ANK3: variants seen among roughly 807,000 people sequenced by gnomAD.
The protein encoded by ANK3 is ankyrin-3.
In ANK3, 57 loss-of-function variants were observed where a neutral mutation model predicts 370.9. The observed-to-expected ratio is 0.15, with a 90% CI of 0.12 to 0.19. ANK3 has a LOEUF of 0.19. Among genes scored for constraint, ANK3 ranks in the 10% least tolerant of loss-of-function variants. The probability of loss-of-function intolerance (pLI) is 1.00; values close to 1 mark genes in which losing one functional copy is unlikely to be tolerated. For missense variants in ANK3, 4,439 were observed against 5,302.1 expected, an observed-to-expected ratio of 0.84 and a Z score of 5.06; for synonymous variants, 1,929 against 1,946.3, an observed-to-expected ratio of 0.99 and a Z score of 0.23.
At chr10:60,603,189 G>C (rs1273204821) in intron 2 of ANK3, among the ~76,000 whole-genome samples, 1 of 152,114 alleles carries the variant, frequency 6.6e-6, no homozygotes, top group Non-Finnish European at 1.5e-5. Flanking sequence ...AAGGAGTTTG[G>C]AAACTAAGAC....
At chr10:60,321,318 C>G (rs75395282) in intron 1 of ANK3, among the ~76,000 whole-genome samples, 7,730 of 150,844 alleles carry the variant, frequency 0.051, 524 homozygotes, top group African/African-American at 0.16. Flanking sequence ...AACTTGGCCG[C>G]TCAAGGCTAC....
At position 60,029,743 on chromosome 10, in the gene ANK3, C is replaced by T. The variant is rs1347650911; in HGVS notation, c.*103G>A. 2 of 152,156 alleles carry T rather than the reference C, an allele frequency of 1.3e-5. No individual in the cohort carries two copies. The highest frequency in any genetic ancestry group is 2.4e-5 in the African/African-American group (1 of 41,278). The allele number at this position is 152,156 out of a possible 1,614,324, so 9.4% of individuals were successfully genotyped here. On this transcript the variant is annotated 3_prime_UTR_variant, in exon 44 of 44. Transcript: ENST00000280772. The stretch of plus-strand genomic sequence containing the variant: ...CATTAATGTGTGGAAGCAGCGAACA[C>T]ACACACACTTCTCGGTGAATTTTTA...
intron 1 of ANK3, among the ~76,000 whole-genome samples, chr10:60,341,468 A>G (rs2054265859): frequency 6.6e-6 from 1 of 152,158 alleles, no homozygotes; most frequent in Non-Finnish European, 1.5e-5. Context: ...AGGGCTCATA[A>G]TTAATTGATA....
At chr10:60,237,790 A>G (rs1296493780) in intron 7 of ANK3, among the ~76,000 whole-genome samples, 1 of 152,166 alleles carries the variant, frequency 6.6e-6, no homozygotes, top group East Asian at 1.9e-4. Context: ...GCACTTAAAC[A>G]GCGTTGTAAA....
Position 60,139,094 on chromosome 10 carries a change from A to T in ANK3, c.2615-7T>A. On this transcript the variant is annotated splice_polypyrimidine_tract_variant and splice_region_variant and intron_variant, in intron 23 of 43. Transcript: ENST00000280772. ...CCGGTCATTGCATCTTCACCTGCAG[A>T]TGTAGAGAGTAAGCCCACATCAAAA... 6.2e-7 allele frequency: 1 copy of T among 1,613,146 alleles called. No homozygotes were observed.
chr10:60,386,307 C>T (rs2062303743), intron 1 of ANK3, among the ~76,000 whole-genome samples: 1 of 151,590 alleles, frequency 6.6e-6, no homozygotes, highest in Admixed American at 6.6e-5. Context: ...GGCTAAGGGG[C>T]ATTTGTAAGT....
At chr10:60,569,896 G>A (rs1033438368) in intron 2 of ANK3, among the ~76,000 whole-genome samples, 2 of 152,154 alleles carry the variant, frequency 1.3e-5, no homozygotes, top group East Asian at 1.9e-4. Context: ...GAGTTTGGCA[G>A]GTTGCCTATA....
chr10:60,608,277 T>A (rs2078154519), intron 2 of ANK3, among the ~76,000 whole-genome samples: 1 of 152,168 alleles, frequency 6.6e-6, no homozygotes, highest in Admixed American at 6.6e-5. Context: ...TAATTAAATA[T>A]CAGCAGACTG....
At chr10:60,133,515 C>T (rs976922137) in intron 25 of ANK3, among the ~76,000 whole-genome samples, 2 of 152,226 alleles carry the variant, frequency 1.3e-5, no homozygotes, top group African/African-American at 4.8e-5. Flanking sequence ...CATCTTCAGA[C>T]ACCCATCAAA....
At chr10:60,706,909 G>T (rs2079628131) in intron 1 of ANK3, among the ~76,000 whole-genome samples, 1 of 151,978 alleles carries the variant, frequency 6.6e-6, no homozygotes, top group African/African-American at 2.4e-5. Flanking sequence ...AAATTCCCTG[G>T]CATACTTTGA....
chr10:60,212,872 T>TA lies in ANK3; in HGVS notation c.996+539dup, dbSNP rs569766259. Among the ~76,000 whole-genome samples the TA allele has an allele frequency of 2.5e-3, 378 of 152,098 alleles. 1 individual carries two copies. The highest frequency in any genetic ancestry group is 0.016 in the South Asian group (78 of 4,812). The stretch of plus-strand genomic sequence containing the variant: ...AAATGATGTCAAATGGTTTTACTAT[T>TA]AAAAAAAAGTCTAAAAGAGAGTCAA... On this transcript the variant is annotated intron_variant, in intron 9 of 43. Transcript: ENST00000280772.
At chr10:60,237,171 C>G (rs2097346879) in intron 7 of ANK3, among the ~76,000 whole-genome samples, 1 of 152,202 alleles carries the variant, frequency 6.6e-6, no homozygotes, top group South Asian at 2.1e-4. Flanking sequence ...TGAGTGAAAG[C>G]TGGCAGAAGG....
Position 60,208,207 on chromosome 10 carries a change from G to A in ANK3, c.1023C>T (p.Ala341=), listed in dbSNP as rs767892662. 1 of 1,614,088 alleles carries A rather than the reference G, an allele frequency of 6.2e-7. No homozygotes were observed. The highest frequency in any genetic ancestry group is 1.1e-5 in the South Asian group (1 of 91,080). ...TKNGLSPLHM[A]TQGDHLNCVQ... is the part of the protein sequence containing the mutation. ...CGCAGTTTAAATGATCCCCTTGTGT[G>A]GCCATGTGCAATGGAGATAATCCAT... Residue 341 remains alanine, a synonymous_variant, in exon 10 of 44, where the codon GCC becomes GCT. Transcript: ENST00000280772.
At chr10:60,197,466 G>T (rs927060651) in intron 14 of ANK3, among the ~76,000 whole-genome samples, 31 of 152,268 alleles carry the variant, frequency 2.0e-4, no homozygotes, top group African/African-American at 7.5e-4. Flanking sequence ...GGAATGTGCA[G>T]CTGGTATGGT....
chr10:60,146,344 T>A (rs2094822783), intron 23 of ANK3, among the ~76,000 whole-genome samples: 2 of 152,236 alleles, frequency 1.3e-5, no homozygotes, highest in Admixed American at 6.5e-5. Context: ...TGCAGGTTTG[T>A]AACATGGGAA....
intron 1 of ANK3, among the ~76,000 whole-genome samples, chr10:60,723,374 C>T (rs1355558333): frequency 6.6e-6 from 1 of 152,198 alleles, no homozygotes; most frequent in Non-Finnish European, 1.5e-5. Context: ...GTCAACATTT[C>T]ATTGATATTT....
chr10:60,677,857 T>C (rs1194703292), intron 1 of ANK3, among the ~76,000 whole-genome samples: 1 of 151,970 alleles, frequency 6.6e-6, no homozygotes, highest in Non-Finnish European at 1.5e-5. Context: ...AGCTTTTCCT[T>C]ACATGATACT....
At chr10:60,558,955 G>C (rs954422771) in intron 2 of ANK3, among the ~76,000 whole-genome samples, 1 of 152,158 alleles carries the variant, frequency 6.6e-6, no homozygotes, top group African/African-American at 2.4e-5. Context: ...AAGCAAGTCA[G>C]ATTAGGATGG....
At chr10:60,542,584 C>A (rs1453314322) in intron 2 of ANK3, among the ~76,000 whole-genome samples, 1 of 151,856 alleles carries the variant, frequency 6.6e-6, no homozygotes, top group East Asian at 1.9e-4. Flanking sequence ...GCCATTTGAT[C>A]AATAAAGTAC....
Sources: allele counts gnomAD v4.1 joint callset (sites outside exome capture counted in the v4.1 genomes callset), GRCh38; gene constraint gnomAD v4.1.1; transcripts MANE v1.5; gene names NCBI Gene and HGNC (gene_info 2026-07-23, HGNC 2026-07-21).